Variants in UTP11 observed in about 807,000 individuals in gnomAD.
UTP11 encodes the protein probable U3 small nucleolar RNA-associated protein 11.
In UTP11, 29 loss-of-function variants were observed where a neutral mutation model predicts 39.0. The ratio of observed to expected loss-of-function variants is 0.74; its 90% confidence interval spans 0.55 to 1.01. The LOEUF (loss-of-function observed/expected upper bound fraction) is 1.01. Among genes scored for constraint, UTP11 ranks in the 50% least tolerant of loss-of-function variants. The pLI is 0.00. For synonymous variants in UTP11, 111 were observed against 105.0 expected (o/e 1.06, Z -0.35); for missense variants, 281 against 306.0 (o/e 0.92, Z 0.61).
rs192686652 is a variant in UTP11, at chr1:38,016,317, C to T, written c.64-42C>T. ...TCGTGTTGATTTGGATATGTGTTTG[C>T]GGAGGAAACTAAGCACTGTTGTTCT... On this transcript the variant is annotated intron_variant, in intron 1 of 7. Transcript: ENST00000373014. The T allele has an allele frequency of 3.6e-4, 569 of 1,598,680 alleles. 1 individual carries two copies. Among genetic ancestry groups the T allele is most frequent in the Non-Finnish European group, 1.4e-4 (165 of 1,166,166 alleles).
intron 2 of UTP11, chr1:38,017,257 A>C (rs1307899069): frequency 1.3e-5 from 2 of 154,062 alleles, no homozygotes; most frequent in African/African-American, 4.8e-5. Context: ...GTCTGGCTCC[A>C]GAGTCCATGA....
At chr1:38,013,921 G>A (rs1646692649) in intron 1 of UTP11, among the ~76,000 whole-genome samples, 1 of 152,188 alleles carries the variant, frequency 6.6e-6, no homozygotes, top group South Asian at 2.1e-4. Context: ...TGTCAGATTG[G>A]CCAGGCTGGT....
rs1032645890 is a variant in UTP11 at position 38,020,991 on chromosome 1, G to A, written c.567+1608G>A. 7.9e-5 allele frequency among the ~76,000 whole-genome samples: 12 copies of A among 151,496 alleles called. No individual in the cohort carries two copies. In the East Asian group the frequency reaches 2.3e-3, roughly 29 times the overall value. Reference sequence around the variant, plus strand: ...GGCTGGAGTGCGGTGGCGTGATATCGGCTCACTGCAACCTCTGCCTCCTGG... The same window carrying A: ...GGCTGGAGTGCGGTGGCGTGATATCAGCTCACTGCAACCTCTGCCTCCTGG... On this transcript the variant is annotated intron_variant, in intron 6 of 7. Transcript: ENST00000373014.
rs1646708752 is a variant in UTP11 at position 38,016,690 on chromosome 1, T to C, written c.125+270T>C. The C allele has an allele frequency of 2.5e-5, 10 of 392,894 alleles. No homozygotes were observed. In the Admixed American group the frequency reaches 3.9e-4, roughly 15 times the overall value. The allele number at this position is 392,894 out of a possible 1,614,324, so 24.3% of individuals were successfully genotyped here. A position where few individuals can be genotyped will look rare whatever the true frequency, so the allele number is the denominator to read the frequency against. On this transcript the variant is annotated intron_variant, in intron 2 of 7. Transcript: ENST00000373014. ...TTTCTCATAGTGGCTTTGATTTGGC[T>C]CTGCCTTGGTGTTTGAGCCCAAAGT...
In UTP11 at chr1:38,012,799, A is replaced by G. The variant is rs759842568; in HGVS notation, c.-4A>G. ...CCACTGATCTTTTCCAAGGCTGTAC[A>G]GACATGGCGGCGGCTTTTCGGAAGG... On this transcript the variant is annotated 5_prime_UTR_variant, in exon 1 of 8. Coordinates refer to ENST00000373014, the MANE Select transcript of UTP11 (RefSeq NM_016037.4). The G allele has an allele frequency of 6.8e-6, 11 of 1,614,224 alleles. No individual in the cohort carries two copies. Among genetic ancestry groups the G allele is most frequent in the African/African-American group, 1.3e-5 (1 of 75,064 alleles).
chr1:38,021,372 C>T (rs1646736719), intron 6 of UTP11, among the ~76,000 whole-genome samples: 1 of 152,096 alleles, frequency 6.6e-6, no homozygotes, highest in African/African-American at 2.4e-5. Flanking sequence ...CCATTTTTGT[C>T]TAGTAATTAT....
intron 2 of UTP11, 30 bp from the exon 3 acceptor site, chr1:38,017,636 TTG>T: frequency 2.1e-6 from 3 of 1,436,016 alleles, no homozygotes; most frequent in Admixed American, 2.6e-5. Context: ...TTTTTTTTTT[TTG>T]CTATGAACCT....
rs773531457 is a variant in UTP11 at position 38,016,436 on chromosome 1, C to T, written c.125+16C>T. On this transcript the variant is annotated intron_variant, in intron 2 of 7. Transcript: ENST00000373014. ...TTCGTGCAGAGTGAGTTCAGTCTTT[C>T]TGGTAGAGGCGCTGCCAAGAAAGCT... 2 of 1,613,702 alleles carry T rather than the reference C, an allele frequency of 1.2e-6. No homozygotes were observed. Among genetic ancestry groups the T allele is most frequent in the East Asian group, 4.5e-5 (2 of 44,896 alleles).
At chr1:38,022,876 A>T in intron 7 of UTP11, 67 bp downstream of exon 7, 6 of 1,099,310 alleles carry the variant, frequency 5.5e-6, no homozygotes, top group Admixed American at 2.3e-5. Flanking sequence ...AAAGGTCTTA[A>T]CTCAGACTAG....
chr1:38,015,425 T>C (rs1194148261), intron 1 of UTP11, among the ~76,000 whole-genome samples: 1 of 152,220 alleles, frequency 6.6e-6, no homozygotes, highest in Non-Finnish European at 1.5e-5. Context: ...CTAGGGAGAA[T>C]GGGTTCTAGT....
chr1:38,018,990 G>A, intron 4 of UTP11, 69 bp from the exon 5 acceptor site: 1 of 1,204,046 alleles, frequency 8.3e-7, no homozygotes, highest in Non-Finnish European at 1.2e-6. Context: ...TTAAACTTTT[G>A]CAGTTTTTTT....
At chr1:38,019,443 GTT>G (rs869306672) in intron 6 of UTP11, 60 bp downstream of exon 6, 1,500 of 944,432 alleles carry the variant, frequency 1.6e-3, no homozygotes, top group Middle Eastern at 3.1e-3. Flanking sequence ...TTTTTTTTTT[GTT>G]TTTTTTTTTT....
At chr1:38,015,078 G>A (rs1400681071) in intron 1 of UTP11, among the ~76,000 whole-genome samples, 4 of 152,078 alleles carry the variant, frequency 2.6e-5, no homozygotes, top group East Asian at 3.9e-4. Context: ...GCTGGAGTGC[G>A]ATGGTGTGAT....
At chr1:38,018,660 C>A in intron 4 of UTP11, 83 bp downstream of exon 4, 3 of 1,068,302 alleles carry the variant, frequency 2.8e-6, no homozygotes, top group Non-Finnish European at 4.2e-6. Flanking sequence ...TCATTAATTT[C>A]TTCTGGCATT....
At chr1:38,015,792 C>T (rs1646704396) in intron 1 of UTP11, among the ~76,000 whole-genome samples, 1 of 152,268 alleles carries the variant, frequency 6.6e-6, no homozygotes, top group African/African-American at 2.4e-5. Context: ...ATGTGTCAAG[C>T]CATGTGCAGG....
chr1:38,019,483 AATTT>A (rs1646725189), intron 6 of UTP11, 100 bp downstream of exon 6: 1 of 1,110,418 alleles, frequency 9.0e-7, no homozygotes, highest in African/African-American at 1.7e-5. Context: ...TAATTTTTAA[AATTT>A]ATTTTATTTT....
intron 7 of UTP11, 52 bp from the exon 8 acceptor site, chr1:38,023,493 T>G: frequency 6.4e-7 from 1 of 1,552,228 alleles, no homozygotes; most frequent in Non-Finnish European, 8.8e-7. Flanking sequence ...ACCTTTCGAT[T>G]TTACAAAACC....
intron 1 of UTP11, among the ~76,000 whole-genome samples, chr1:38,014,590 C>G (rs1646696937): frequency 6.6e-6 from 1 of 152,112 alleles, no homozygotes; most frequent in African/African-American, 2.4e-5. Context: ...CTCTGTTAAC[C>G]TCCCTTTGCT....
rs1052286069 is a variant in UTP11 at position 38,016,258 on chromosome 1, T to C, written c.64-101T>C. 5.8e-6 allele frequency: 7 copies of C among 1,196,642 alleles called. No individual in the cohort carries two copies. The African/African-American group carries it at 1.0e-4, about 18-fold the overall frequency. The allele number at this position is 1,196,642 out of a possible 1,614,324, so 74.1% of individuals were successfully genotyped here. A position where few individuals can be genotyped will look rare whatever the true frequency, so the allele number is the denominator to read the frequency against. On this transcript the variant is annotated intron_variant, in intron 1 of 7. Transcript: ENST00000373014. ...GGTTAGCTCCAAGGACTGGATTTAC[T>C]GAGCACTCCAGAGACTCCTGTGCCT...
Sources: gnomAD v4.1 joint callset for allele counts (sites outside exome capture counted in the v4.1 genomes callset) on GRCh38, gnomAD v4.1.1 for gene constraint, MANE v1.5 for transcripts, NCBI Gene and HGNC (gene_info 2026-07-23, HGNC 2026-07-21) for gene names.